Variants in PRKCB observed in about 807,000 individuals in gnomAD.
PRKCB encodes the protein protein kinase C beta.
A neutral mutation model predicts 81.5 loss-of-function variants in PRKCB; 13 were observed. The ratio of observed to expected loss-of-function variants is 0.16; its 90% CI spans 0.10 to 0.25. The LOEUF (loss-of-function observed/expected upper bound fraction) is 0.25. PRKCB is among the 10% of genes least tolerant of loss of function. PRKCB has a pLI of 1.00. For missense variants in PRKCB, 509 were observed against 875.7 expected (o/e 0.58, Z 5.29); for synonymous variants, 335 against 321.4 (o/e 1.04, Z -0.45).
chr16:24,120,193 G>C (rs191365585), intron 8 of PRKCB, among the ~76,000 whole-genome samples: 1 of 152,158 alleles, frequency 6.6e-6, no homozygotes, highest in Non-Finnish European at 1.5e-5. Flanking sequence ...CCTTAGTGGC[G>C]GGGGTTGCGG....
At chr16:24,114,589 G>C (rs548916144) in intron 8 of PRKCB, among the ~76,000 whole-genome samples, 4 of 152,208 alleles carry the variant, frequency 2.6e-5, no homozygotes, top group Non-Finnish European at 5.9e-5. Flanking sequence ...AGGTGTATAG[G>C]ACACATCCTT....
At position 24,032,171 on chromosome 16, in the gene PRKCB, G is replaced by A. The variant is rs116749372; in HGVS notation, c.324G>A (p.Thr108=). 193 of 1,613,762 alleles carry A rather than the reference G, an allele frequency of 1.2e-4. No homozygotes were observed. In the East Asian group the frequency reaches 2.2e-3, roughly 19 times the overall value. ...PRSKHKFKIH[T]YSSPTFCDHC... ...GCAAACACAAGTTTAAGATCCACACGTACTCCAGCCCCACGTTTTGTGACC... is the reference window on the plus strand; with the variant it reads ...GCAAACACAAGTTTAAGATCCACACATACTCCAGCCCCACGTTTTGTGACC... Residue 108 remains threonine (T), a synonymous_variant, in exon 4 of 17, where the codon ACG becomes ACA. Coordinates refer to ENST00000643927, the MANE Select transcript of PRKCB (RefSeq NM_002738.7).
At chr16:23,986,937 G>A (rs925382247) in intron 2 of PRKCB, among the ~76,000 whole-genome samples, 1 of 152,024 alleles carries the variant, frequency 6.6e-6, no homozygotes, top group Non-Finnish European at 1.5e-5. Flanking sequence ...AGATGTTAAT[G>A]TATCCTCAAA....
chr16:23,933,792 AT>A (rs1964014923), intron 2 of PRKCB, among the ~76,000 whole-genome samples: 1 of 143,480 alleles, frequency 7.0e-6, no homozygotes, highest in Non-Finnish European at 1.5e-5. Context: ...CCATCCATCC[AT>A]CCATCCATCC....
intron 8 of PRKCB, among the ~76,000 whole-genome samples, chr16:24,116,205 AGTTT>A (rs1193752381): frequency 6.6e-6 from 1 of 152,066 alleles, no homozygotes; most frequent in African/African-American, 2.4e-5. Flanking sequence ...ATAAAGGACA[AGTTT>A]GTTTGTTGAA....
intron 2 of PRKCB, among the ~76,000 whole-genome samples, chr16:23,846,956 G>A (rs1597207027): frequency 1.3e-5 from 2 of 151,880 alleles, no homozygotes; most frequent in Non-Finnish European, 2.9e-5. Flanking sequence ...GGTCTCCTGG[G>A]CATCTCCTTC....
intron 2 of PRKCB, among the ~76,000 whole-genome samples, chr16:23,873,367 T>A (rs1962943860): frequency 7.1e-6 from 1 of 140,430 alleles, no homozygotes. Context: ...AGTGAAACTC[T>A]GTCAAAAAAA....
In PRKCB at chr16:23,954,241, G is replaced by A. The variant is rs1008597670; in HGVS notation, c.206-34267G>A. The stretch of plus-strand genomic sequence containing the variant: ...TGGGATTACAGGCATGAGACACCAC[G>A]CCTGACCAGGGAAGGCATCGATCTT... On this transcript the variant is annotated intron_variant, in intron 2 of 16. Coordinates refer to ENST00000643927, the MANE Select transcript of PRKCB (RefSeq NM_002738.7). Among the ~76,000 whole-genome samples the A allele has an allele frequency of 3.9e-5, 6 of 151,930 alleles. No homozygotes were observed. In the East Asian group the frequency reaches 5.8e-4, roughly 15 times the overall value.
At chr16:23,838,361 G>A (rs1023473560) in intron 2 of PRKCB, among the ~76,000 whole-genome samples, 8 of 152,218 alleles carry the variant, frequency 5.3e-5, no homozygotes, top group Non-Finnish European at 8.8e-5. Flanking sequence ...TTTTGTCTCA[G>A]TTGATCCCAG....
chr16:23,977,196 G>A (rs1019183765), intron 2 of PRKCB, among the ~76,000 whole-genome samples: 8 of 152,136 alleles, frequency 5.3e-5, no homozygotes, highest in South Asian at 2.1e-4. Flanking sequence ...ACCTCTATAC[G>A]GTGGAACAGA....
chr16:24,178,761 C>G (rs972956414), intron 12 of PRKCB, among the ~76,000 whole-genome samples: 1 of 152,156 alleles, frequency 6.6e-6, no homozygotes, highest in Non-Finnish European at 1.5e-5. Flanking sequence ...GTGGACCTCC[C>G]CATCCCTTTG....
intron 3 of PRKCB, among the ~76,000 whole-genome samples, chr16:24,024,810 A>C (rs1373747321): frequency 6.6e-6 from 1 of 152,134 alleles, no homozygotes; most frequent in East Asian, 1.9e-4. Context: ...CATCTCAGAG[A>C]TGGCATTGGG....
At chr16:24,011,092 T>C (rs944214407) in intron 3 of PRKCB, among the ~76,000 whole-genome samples, 6 of 152,024 alleles carry the variant, frequency 3.9e-5, no homozygotes, top group African/African-American at 9.7e-5. Context: ...TCTCAAACTC[T>C]TGGGCTCAAG....
At chr16:23,870,142 T>G (rs768231485) in intron 2 of PRKCB, among the ~76,000 whole-genome samples, 1 of 152,192 alleles carries the variant, frequency 6.6e-6, no homozygotes, top group Non-Finnish European at 1.5e-5. Flanking sequence ...TTGGCAAATA[T>G]TAGAATGGTG....
chr16:24,097,980 T>C (rs901833947), intron 7 of PRKCB, among the ~76,000 whole-genome samples: 2 of 152,182 alleles, frequency 1.3e-5, no homozygotes, highest in African/African-American at 4.8e-5. Context: ...TCTGTGTTGA[T>C]GTTAATGCTG....
chr16:23,890,901 C>T (rs1434976384), intron 2 of PRKCB, among the ~76,000 whole-genome samples: 1 of 152,080 alleles, frequency 6.6e-6, no homozygotes, highest in Non-Finnish European at 1.5e-5. Flanking sequence ...GTCCATTCTT[C>T]CCTCTCACTT....
At chr16:24,194,299 C>G (rs1967845771) in intron 16 of PRKCB, among the ~76,000 whole-genome samples, 1 of 152,004 alleles carries the variant, frequency 6.6e-6, no homozygotes, top group African/African-American at 2.4e-5. Flanking sequence ...GCACTCTAGC[C>G]TGGGTGACAG....
rs556610239 is a variant in PRKCB, at chr16:24,123,978, C to G, written c.1062C>G (p.Gly354=). ...TGGTGCTGGGGAAAGGCAGCTTTGG[C>G]AAGGTATGGTATGATTTGGTGGCTC... ...FLMVLGKGSF[G]KVMLSERKGT... is the part of the protein sequence containing the mutation. Residue 354 remains glycine (G), a synonymous_variant, in exon 9 of 17, where the codon GGC becomes GGG. Transcript: ENST00000643927. 3.2e-5 allele frequency: 52 copies of G among 1,613,920 alleles called. No homozygotes were observed. The highest frequency in any genetic ancestry group is 4.3e-5 in the Non-Finnish European group (51 of 1,179,960).
chr16:23,988,678 G>C, intron 3 of PRKCB, 88 bp downstream of exon 3: 1 of 1,239,064 alleles, frequency 8.1e-7, no homozygotes, highest in Non-Finnish European at 1.2e-6. Flanking sequence ...AGACGAGTAA[G>C]TGTGGACGAT....
Sources: allele counts gnomAD v4.1 joint callset (sites outside exome capture counted in the v4.1 genomes callset), GRCh38; gene constraint gnomAD v4.1.1; transcripts MANE v1.5; gene names NCBI Gene and HGNC (gene_info 2026-07-23, HGNC 2026-07-21).